The following VEPH1 variants were observed in gnomAD, a reference collection of about 807,000 sequenced individuals.
VEPH1 encodes ventricular zone-expressed PH domain-containing protein homolog 1.
VEPH1 carries 80 observed loss-of-function variants against 85.2 expected under a neutral mutation model. That is an observed-to-expected ratio of 0.94 (90% confidence interval 0.78 to 1.13). VEPH1 has a LOEUF of 1.13. Among genes scored for constraint, VEPH1 ranks in the 50% most tolerant of loss-of-function variants. The pLI is 0.00. For synonymous variants in VEPH1, 297 were observed against 348.0 expected (o/e 0.85, Z 1.63); for missense variants, 955 against 980.5 (o/e 0.97, Z 0.35).
chr3:157,350,936 C>T (rs934781746), intron 9 of VEPH1, among the ~76,000 whole-genome samples: 4 of 152,142 alleles, frequency 2.6e-5, no homozygotes, highest in African/African-American at 9.7e-5. Context: ...CAAACTAGTA[C>T]AACCAGTATA....
chr3:157,341,018 G>A lies in VEPH1; in HGVS notation c.1735+22346C>T, dbSNP rs149267952. Among the ~76,000 whole-genome samples, 623 of 152,186 alleles carry A rather than the reference G, an allele frequency of 4.1e-3. 3 individuals carry two copies. Among genetic ancestry groups the A allele is most frequent in the African/African-American group, 0.013 (542 of 41,510 alleles). ...GGAAGGACATCCACACCAAAACCCCGTCTGTACATCACCATCATCAAAGAC... is the reference window on the plus strand; with the variant it reads ...GGAAGGACATCCACACCAAAACCCCATCTGTACATCACCATCATCAAAGAC... On this transcript the variant is annotated intron_variant, in intron 9 of 13. Transcript: ENST00000362010.
At chr3:157,298,050 C>T (rs12633099) in intron 11 of VEPH1, among the ~76,000 whole-genome samples, 68,138 of 150,678 alleles carry the variant, frequency 0.45, 16,213 homozygotes, top group Admixed American at 0.59. Flanking sequence ...AGGGCAGAAC[C>T]ACAAAGATAT....
rs34035101 is a variant in VEPH1, at chr3:157,290,035, AACACACACACACACACACACAC to A, written c.2011-3383_2011-3362del. Among the ~76,000 whole-genome samples, 15 of 144,410 alleles carry A rather than the reference AACACACACACACACACACACAC, an allele frequency of 1.0e-4. No homozygotes were observed. In the South Asian group the frequency reaches 1.1e-3, roughly 11 times the overall value. 94.7% of individuals were successfully genotyped at this position (144,410 alleles called of 152,430 possible). The stretch of plus-strand genomic sequence containing the variant: ...ATCAATTCCGTTGTTATTATACACA[AACACACACACACACACACACAC>A]ACACACACACACACACACACACAAC... On this transcript the variant is annotated intron_variant, in intron 11 of 13. Coordinates refer to ENST00000362010, the MANE Select transcript of VEPH1 (RefSeq NM_001167912.2).
rs192981636 is a variant in VEPH1, at chr3:157,496,019, A to G, written c.-157-513T>C. Among the ~76,000 whole-genome samples the G allele has an allele frequency of 1.2e-4, 18 of 152,328 alleles. No homozygotes were observed. The East Asian group carries it at 3.3e-3, about 28-fold the overall frequency. On this transcript the variant is annotated intron_variant, in intron 1 of 13. Coordinates refer to ENST00000362010, the MANE Select transcript of VEPH1 (RefSeq NM_001167912.2). ...AGCAGTAGAAGTTCCCTGCTCTGTCAGTCAAAAAGGTGACCTCAGTACTTA... is the reference window on the plus strand; with the variant it reads ...AGCAGTAGAAGTTCCCTGCTCTGTCGGTCAAAAAGGTGACCTCAGTACTTA...
chr3:157,278,444 G>C (rs1013800091), intron 12 of VEPH1, among the ~76,000 whole-genome samples: 5 of 152,246 alleles, frequency 3.3e-5, no homozygotes, highest in Non-Finnish European at 7.3e-5. Flanking sequence ...TAAAGCTGGA[G>C]AAGCTGGGAG....
intron 4 of VEPH1, among the ~76,000 whole-genome samples, chr3:157,435,516 C>T (rs909117802): frequency 2.0e-5 from 3 of 152,104 alleles, no homozygotes; most frequent in Non-Finnish European, 2.9e-5. Context: ...AGTAGGTAAC[C>T]CTGTGAGGGT....
chr3:157,297,257 G>A (rs551153115), intron 11 of VEPH1, among the ~76,000 whole-genome samples: 1 of 152,290 alleles, frequency 6.6e-6, no homozygotes, highest in East Asian at 1.9e-4. Context: ...AATGCTAGGT[G>A]CCTGAGAAAC....
chr3:157,355,012 C>T (rs563900838), intron 9 of VEPH1, among the ~76,000 whole-genome samples: 203 of 152,290 alleles, frequency 1.3e-3, no homozygotes, highest in African/African-American at 4.7e-3. Context: ...GGGCCAACTT[C>T]CAGTCCCTGG....
chr3:157,285,424 A>C (rs1374831371), intron 12 of VEPH1: 1 of 152,218 alleles, frequency 6.6e-6, no homozygotes, highest in Admixed American at 6.5e-5. Flanking sequence ...TACTTTTACT[A>C]TTCAGCCTCA....
At position 157,261,119 on chromosome 3, in the gene VEPH1, C is replaced by T. The variant is rs1712815847; in HGVS notation, c.*15G>A. On this transcript the variant is annotated 3_prime_UTR_variant, in exon 14 of 14. Transcript: ENST00000362010. ...TGCCTGTGGTGTATAATTGTCATGG[C>T]TGACTTATAAATCCCTACAGATATG... The T allele has an allele frequency of 1.3e-6, 2 of 1,588,766 alleles. No individual in the cohort carries two copies. Among genetic ancestry groups the T allele is most frequent in the South Asian group, 1.1e-5 (1 of 90,140 alleles).
intron 6 of VEPH1, among the ~76,000 whole-genome samples, chr3:157,394,710 C>A (rs1206307737): frequency 6.6e-6 from 1 of 152,106 alleles, no homozygotes; most frequent in Non-Finnish European, 1.5e-5. Context: ...AACCAGATCT[C>A]ATGAGAACTT....
At chr3:157,495,044 T>C (rs1739548903) in intron 2 of VEPH1, among the ~76,000 whole-genome samples, 168 bp downstream of exon 2, 1 of 152,220 alleles carries the variant, frequency 6.6e-6, no homozygotes, top group African/African-American at 2.4e-5. Context: ...ATGACTTCCC[T>C]ACTGATATTT....
intron 5 of VEPH1, 117 bp from the exon 6 acceptor site, chr3:157,414,207 T>G: frequency 1.4e-6 from 1 of 700,036 alleles, no homozygotes. Flanking sequence ...CTCAACACAT[T>G]CTGGGATTAT....
intron 11 of VEPH1, among the ~76,000 whole-genome samples, chr3:157,309,495 C>T (rs1296585466): frequency 1.3e-5 from 2 of 152,044 alleles, no homozygotes; most frequent in Non-Finnish European, 2.9e-5. Context: ...CATGGAAACC[C>T]AGTCTAATTA....
At chr3:157,463,925 T>A (rs2109394982) in intron 3 of VEPH1, among the ~76,000 whole-genome samples, 1 of 152,312 alleles carries the variant, frequency 6.6e-6, no homozygotes, top group Admixed American at 6.5e-5. Flanking sequence ...AGAACACTCC[T>A]GCCCTATAAC....
At chr3:157,313,540 T>G in intron 11 of VEPH1, 81 bp downstream of exon 11, 1 of 1,484,062 alleles carries the variant, frequency 6.7e-7, no homozygotes, top group Admixed American at 2.2e-5. Context: ...GGATGAAATT[T>G]AATTGCTAAA....
intron 12 of VEPH1, among the ~76,000 whole-genome samples, chr3:157,282,001 A>T (rs943215238): frequency 6.6e-6 from 1 of 152,130 alleles, no homozygotes; most frequent in Non-Finnish European, 1.5e-5. Flanking sequence ...TAGAGTGGAA[A>T]AATAATCTAG....
At position 157,349,837 on chromosome 3, in the gene VEPH1, A is replaced by G. The variant is rs138878311; in HGVS notation, c.1735+13527T>C. On this transcript the variant is annotated intron_variant, in intron 9 of 13. Transcript: ENST00000362010. The stretch of plus-strand genomic sequence containing the variant: ...AACCAAAGAGGTGGAAGACTTCTAC[A>G]AGGAAAACTACAAAACACTGATGAA... Among the ~76,000 whole-genome samples the G allele has an allele frequency of 2.3e-3, 346 of 152,322 alleles. 1 individual carries two copies. The highest frequency in any genetic ancestry group is 8.0e-3 in the African/African-American group (331 of 41,568).
chr3:157,261,094 T>C lies in VEPH1; in HGVS notation c.*40A>G, dbSNP rs1251476135. On this transcript the variant is annotated 3_prime_UTR_variant, in exon 14 of 14. Transcript: ENST00000362010. The stretch of plus-strand genomic sequence containing the variant: ...CTTGACATTGGCAATGATAATACAA[T>C]GCCTGTGGTGTATAATTGTCATGGC... 6.2e-7 allele frequency: 1 copy of C among 1,609,908 alleles called. No individual in the cohort carries two copies. The highest frequency in any genetic ancestry group is 1.7e-5 in the Admixed American group (1 of 59,594).
Sources: allele counts gnomAD v4.1 joint callset (sites outside exome capture counted in the v4.1 genomes callset), GRCh38; gene constraint gnomAD v4.1.1; transcripts MANE v1.5; gene names NCBI Gene and HGNC (gene_info 2026-07-23, HGNC 2026-07-21).